SLCO3A1: variants seen among roughly 807,000 people sequenced by gnomAD.
The protein encoded by SLCO3A1 is solute carrier organic anion transporter family member 3A1, also known as PGE1 transporter.
In SLCO3A1, 27 loss-of-function variants were observed where a neutral mutation model predicts 63.1. The observed-to-expected ratio is 0.43, with a 90% CI of 0.32 to 0.59. SLCO3A1 has a LOEUF of 0.59. Ranked by LOEUF, SLCO3A1 falls within the 20% of genes least tolerant of loss-of-function variation. The pLI is 0.09. For missense variants in SLCO3A1, 773 were observed against 945.8 expected (o/e 0.82, Z 2.40); for synonymous variants, 473 against 409.9 (o/e 1.15, Z -1.86).
intron 1 of SLCO3A1, among the ~76,000 whole-genome samples, chr15:91,902,047 T>C (rs1489308769): frequency 6.6e-6 from 1 of 152,224 alleles, no homozygotes; most frequent in East Asian, 1.9e-4. Flanking sequence ...TTAGTGATTA[T>C]TTTCCAAGTT....
chr15:92,134,185 A>G (rs914262564), intron 7 of SLCO3A1, among the ~76,000 whole-genome samples: 3 of 152,182 alleles, frequency 2.0e-5, no homozygotes, highest in African/African-American at 7.2e-5. Context: ...TTTTAAGTGT[A>G]TGTTTCCTGT....
At chr15:92,019,662 A>G (rs935281974) in intron 2 of SLCO3A1, among the ~76,000 whole-genome samples, 1 of 152,200 alleles carries the variant, frequency 6.6e-6, no homozygotes. Flanking sequence ...CTCCTCTTGA[A>G]GCCTATCTAC....
At chr15:92,025,724 T>C (rs2046565726) in intron 2 of SLCO3A1, among the ~76,000 whole-genome samples, 1 of 152,172 alleles carries the variant, frequency 6.6e-6, no homozygotes, top group Admixed American at 6.5e-5. Flanking sequence ...ACTGGGATGA[T>C]CTGGGACTCT....
intron 9 of SLCO3A1, chr15:92,161,780 G>GC (rs2048440799): frequency 6.9e-6 from 1 of 144,902 alleles, no homozygotes; most frequent in Non-Finnish European, 1.5e-5. Flanking sequence ...CAGTATGCCG[G>GC]CGCTTTGCAG....
chr15:92,162,824 T>C lies in SLCO3A1; in HGVS notation c.1822T>C (p.Cys608Arg). ...CACCTGCCTGTTCTGGAGCACGTTCTGTGGGGAGCAAGGCGCCTGCGTCCT... is the reference window on the plus strand; with the variant it reads ...CACCTGCCTGTTCTGGAGCACGTTCCGTGGGGAGCAAGGCGCCTGCGTCCT... ...DSTCLFWSTFCGEQGACVLYD... is the reference protein window; with the variant it reads ...DSTCLFWSTFRGEQGACVLYD... Residue 608 changes from cysteine (C) to arginine (R), a missense_variant, in exon 10 of 10, where the codon TGT becomes CGT. Physicochemically the swap from Cys to Arg is radical, Grantham distance 180. Around this residue, in one of 3 missense-constraint regions of SLCO3A1, gnomAD observed 565 missense variants for 749.8 expected, o/e 0.75. Coordinates refer to ENST00000318445, the MANE Select transcript of SLCO3A1 (RefSeq NM_013272.4). 1 of 1,614,220 alleles carries C rather than the reference T, an allele frequency of 6.2e-7. No homozygotes were observed. The highest frequency in any genetic ancestry group is 8.5e-7 in the Non-Finnish European group (1 of 1,180,034).
intron 2 of SLCO3A1, among the ~76,000 whole-genome samples, chr15:92,028,862 G>T (rs117755163): frequency 3.3e-5 from 5 of 149,428 alleles, no homozygotes; most frequent in African/African-American, 1.2e-4. Flanking sequence ...TTTTGCTGGC[G>T]TATCAGTTAG....
intron 2 of SLCO3A1, among the ~76,000 whole-genome samples, chr15:92,004,931 AG>A (rs1220758835): frequency 6.6e-6 from 1 of 152,224 alleles, no homozygotes; most frequent in Non-Finnish European, 1.5e-5. Context: ...AAGCTCTGAA[AG>A]CCTCATCATT....
chr15:91,939,771 C>T (rs1292574483), intron 2 of SLCO3A1, among the ~76,000 whole-genome samples: 1 of 152,168 alleles, frequency 6.6e-6, no homozygotes, highest in Non-Finnish European at 1.5e-5. Context: ...TTGCCCAGGA[C>T]CTCTACGCTG....
rs1055107233 is a variant in SLCO3A1 at position 92,035,120 on chromosome 15, G to A, written c.647-59761G>A. Among the ~76,000 whole-genome samples the A allele has an allele frequency of 7.9e-5, 12 of 151,750 alleles. 1 individual carries two copies. Among genetic ancestry groups the A allele is most frequent in the Admixed American group, 4.6e-4 (7 of 15,218 alleles). On this transcript the variant is annotated intron_variant, in intron 2 of 9. Coordinates refer to ENST00000318445, the MANE Select transcript of SLCO3A1 (RefSeq NM_013272.4). ...CTGTGGGTAGTTACTCCAGTGGCCC[G>A]GAAAACTCCAGGGCTCTTTCTCCCA...
At chr15:92,047,559 A>T (rs1301494390) in intron 2 of SLCO3A1, among the ~76,000 whole-genome samples, 4 of 15,774 alleles carry the variant, frequency 2.5e-4, no homozygotes, top group East Asian at 1.8e-3. Flanking sequence ...TAAATATATA[A>T]ATATATATAT....
chr15:92,109,560 G>C (rs2047704638), intron 4 of SLCO3A1, among the ~76,000 whole-genome samples: 1 of 152,216 alleles, frequency 6.6e-6, no homozygotes, highest in African/African-American at 2.4e-5. Context: ...TCCAAAGGGA[G>C]AGTCCTGCCT....
rs970672892 is a variant in SLCO3A1 at position 92,120,560 on chromosome 15, G to A, written c.1105G>A (p.Ala369Thr). 10 of 1,613,878 alleles carry A rather than the reference G, an allele frequency of 6.2e-6. No individual in the cohort carries two copies. The highest frequency in any genetic ancestry group is 2.5e-6 in the Non-Finnish European group (3 of 1,179,982). The change falls in exon 5 of 10, where the codon GCT becomes ACT. Residue 369 changes from alanine (A) to threonine (T), a missense_variant. This residue lies in a region of SLCO3A1 where 565 missense variants were observed against 749.8 expected (regional missense o/e 0.75). Transcript: ENST00000318445. Reference sequence around the variant, plus strand: ...GGAGATTGCAGTGGTGGCTGGCTTCGCTGCCTTTTTGGGGAAGTACCTGGA... The same window carrying A: ...GGAGATTGCAGTGGTGGCTGGCTTCACTGCCTTTTTGGGGAAGTACCTGGA... The part of the protein sequence containing the change: ...CMEIAVVAGF[A>T]AFLGKYLEQQ...
At chr15:92,022,239 C>T (rs34781129) in intron 2 of SLCO3A1, among the ~76,000 whole-genome samples, 24,593 of 152,174 alleles carry the variant, frequency 0.16, 2,123 homozygotes, top group African/African-American at 0.19. Flanking sequence ...TAGCCTCCAG[C>T]TATATATAAC....
Position 91,872,115 on chromosome 15 carries a change from C to T in SLCO3A1, c.180+18027C>T, listed in dbSNP as rs967796751. On this transcript the variant is annotated intron_variant, in intron 1 of 9. Coordinates refer to ENST00000318445, the MANE Select transcript of SLCO3A1 (RefSeq NM_013272.4). This position sits in a 1 kb window ranked among gnomAD's most constrained non-coding sequence, Gnocchi z 4.1. Reference sequence around the variant, plus strand: ...CTGTGGAAAGGGGAATTGCCTTCGTCGAGGATGTGGTGTGTGCCCGGGAGG... The same window carrying T: ...CTGTGGAAAGGGGAATTGCCTTCGTTGAGGATGTGGTGTGTGCCCGGGAGG... Among the ~76,000 whole-genome samples the T allele has an allele frequency of 1.3e-5, 2 of 152,110 alleles. No homozygotes were observed. Among genetic ancestry groups the T allele is most frequent in the Non-Finnish European group, 2.9e-5 (2 of 68,008 alleles).
At chr15:91,903,593 A>G (rs1280617812) in intron 1 of SLCO3A1, among the ~76,000 whole-genome samples, 1 of 152,160 alleles carries the variant, frequency 6.6e-6, no homozygotes, top group Non-Finnish European at 1.5e-5. Flanking sequence ...CGAGCAAATG[A>G]GAGATTGGTG....
At chr15:91,999,806 G>A (rs1288211537) in intron 2 of SLCO3A1, among the ~76,000 whole-genome samples, 1 of 152,158 alleles carries the variant, frequency 6.6e-6, no homozygotes, top group Non-Finnish European at 1.5e-5. Flanking sequence ...AAAAAAAATT[G>A]TAAGATCACT....
intron 2 of SLCO3A1, among the ~76,000 whole-genome samples, chr15:92,061,437 A>G (rs116614610): frequency 3.9e-4 from 60 of 152,318 alleles, no homozygotes; most frequent in African/African-American, 1.4e-3. Flanking sequence ...CCCCACTGGC[A>G]TTTGATTCAA....
chr15:92,155,000 G>A (rs551781854), intron 9 of SLCO3A1, among the ~76,000 whole-genome samples: 3 of 152,340 alleles, frequency 2.0e-5, no homozygotes, highest in Admixed American at 1.3e-4. Flanking sequence ...GCTGGCCAGA[G>A]AGGGACAGGG....
intron 4 of SLCO3A1, among the ~76,000 whole-genome samples, chr15:92,118,900 A>G (rs1039655073): frequency 1.3e-5 from 2 of 152,184 alleles, no homozygotes; most frequent in African/African-American, 4.8e-5. Context: ...CCACCTCTAT[A>G]ATTTTTGCTT....
Sources: gnomAD v4.1 joint callset for allele counts (sites outside exome capture counted in the v4.1 genomes callset) on GRCh38, gnomAD v4.1.1 for gene constraint, gnomAD v4.1.1 regional missense constraint, Gnocchi (gnomAD v3.1) non-coding constraint, MANE v1.5 for transcripts, NCBI Gene and HGNC (gene_info 2026-07-23, HGNC 2026-07-21) for gene names.